The following ADARB2 variants were observed in gnomAD, a reference collection of about 807,000 sequenced individuals.
ADARB2 encodes the protein adenosine deaminase RNA specific B2 (inactive).
ADARB2 carries 25 observed loss-of-function variants against 62.2 expected under a neutral mutation model. The ratio of observed to expected loss-of-function variants is 0.40; its 90% confidence interval spans 0.29 to 0.56. ADARB2 has a LOEUF of 0.56. Among genes scored for constraint, ADARB2 ranks in the 20% least tolerant of loss-of-function variants. The pLI is 0.43. For synonymous variants in ADARB2, 572 were observed against 500.8 expected (o/e 1.14, Z -1.90); for missense variants, 1,071 against 1,077.4 (o/e 0.99, Z 0.08).
chr10:1,256,380 G>A (rs563237969), intron 4 of ADARB2, among the ~76,000 whole-genome samples: 2 of 152,314 alleles, frequency 1.3e-5, no homozygotes, highest in African/African-American at 4.8e-5. Flanking sequence ...CTGCAGCAGC[G>A]GGTGGGATGA....
intron 3 of ADARB2, among the ~76,000 whole-genome samples, chr10:1,274,797 G>A (rs1285087718): frequency 6.6e-6 from 1 of 152,214 alleles, no homozygotes; most frequent in African/African-American, 2.4e-5. Flanking sequence ...TGGCAGAGAC[G>A]GGACGTACCC....
intron 1 of ADARB2, among the ~76,000 whole-genome samples, chr10:1,694,833 T>G: frequency 6.6e-6 from 1 of 150,622 alleles, no homozygotes; most frequent in Non-Finnish European, 1.5e-5. Flanking sequence ...TGTCTGGGAG[T>G]GGGGTCTTCA....
In ADARB2 at chr10:1,233,794, A is replaced by G. The variant is rs1321865315; in HGVS notation, c.1413T>C (p.Gly471=). The G allele has an allele frequency of 1.9e-6, 3 of 1,613,810 alleles. No individual in the cohort carries two copies. Among genetic ancestry groups the G allele is most frequent in the Admixed American group, 1.7e-5 (1 of 59,964 alleles). The change falls in exon 6 of 10, where the codon GGT becomes GGC. Residue 471 remains glycine (G), a synonymous_variant. Transcript: ENST00000381312. Reference sequence around the variant, plus strand: ...GGATGTTCTCTCGCAGCCGGTAGCCACCTTCTTTTAACCGCACGAATATCG... The same window carrying G: ...GGATGTTCTCTCGCAGCCGGTAGCCGCCTTCTTTTAACCGCACGAATATCG... ...ERSIFVRLKE[G]GYRLRENILF...
chr10:1,245,204 G>A (rs181485541), intron 4 of ADARB2, among the ~76,000 whole-genome samples: 47 of 152,252 alleles, frequency 3.1e-4, no homozygotes, highest in African/African-American at 1.0e-3. Flanking sequence ...AGCAAGGACC[G>A]AATCCACAGG....
intron 6 of ADARB2, among the ~76,000 whole-genome samples, chr10:1,218,919 G>A (rs550673522): frequency 5.9e-5 from 9 of 151,824 alleles, no homozygotes; most frequent in Admixed American, 1.3e-4. Context: ...GCGTGGTGGC[G>A]GGCGCCTGTA....
At chr10:1,710,306 C>T (rs1411293171) in intron 1 of ADARB2, among the ~76,000 whole-genome samples, 2 of 152,234 alleles carry the variant, frequency 1.3e-5, no homozygotes, top group Non-Finnish European at 2.9e-5. Flanking sequence ...GAACTGTCCT[C>T]AGGGCCCTGC....
chr10:1,663,552 A>G (rs949799390), intron 1 of ADARB2, among the ~76,000 whole-genome samples: 1 of 152,054 alleles, frequency 6.6e-6, no homozygotes, highest in Non-Finnish European at 1.5e-5. Context: ...ACCTTTGCAG[A>G]TGGGCTTCTT....
intron 6 of ADARB2, among the ~76,000 whole-genome samples, chr10:1,225,660 T>A (rs1830738291): frequency 6.6e-6 from 1 of 150,510 alleles, no homozygotes; most frequent in South Asian, 2.2e-4. Flanking sequence ...TTATTTCTCC[T>A]TCACTTATGA....
chr10:1,309,166 T>A (rs1316876487), intron 3 of ADARB2, among the ~76,000 whole-genome samples: 1 of 152,206 alleles, frequency 6.6e-6, no homozygotes, highest in Non-Finnish European at 1.5e-5. Flanking sequence ...TGAGGTTGCC[T>A]CTAGGGGGTT....
intron 4 of ADARB2, among the ~76,000 whole-genome samples, chr10:1,268,613 A>G (rs926216996): frequency 6.6e-6 from 1 of 152,264 alleles, no homozygotes; most frequent in Non-Finnish European, 1.5e-5. Context: ...TAACTGAACT[A>G]GAATTAAGAT....
At chr10:1,482,597 G>A (rs1442198251) in intron 1 of ADARB2, among the ~76,000 whole-genome samples, 1 of 152,214 alleles carries the variant, frequency 6.6e-6, no homozygotes, top group African/African-American at 2.4e-5. Flanking sequence ...GGATGGTGAG[G>A]TGTTGGCACA....
chr10:1,496,683 T>C (rs1413254104), intron 1 of ADARB2, among the ~76,000 whole-genome samples: 1 of 152,070 alleles, frequency 6.6e-6, no homozygotes, highest in Non-Finnish European at 1.5e-5. Context: ...ATCACCATCA[T>C]TATCAACTTA....
intron 1 of ADARB2, among the ~76,000 whole-genome samples, chr10:1,632,851 G>A (rs118067919): frequency 0.014 from 2,082 of 152,344 alleles, 20 homozygotes; most frequent in Non-Finnish European, 0.02. Context: ...GGCTGCCCAG[G>A]GGGCTGGTCA....
chr10:1,633,897 A>C (rs1268162177), intron 1 of ADARB2, among the ~76,000 whole-genome samples: 1 of 152,110 alleles, frequency 6.6e-6, no homozygotes, highest in Non-Finnish European at 1.5e-5. Flanking sequence ...GTCCTGTGCC[A>C]GCACCATGTG....
chr10:1,656,878 A>G (rs759202792), intron 1 of ADARB2, among the ~76,000 whole-genome samples: 13 of 152,144 alleles, frequency 8.5e-5, no homozygotes, highest in Non-Finnish European at 1.6e-4. Context: ...TTTCCATGCC[A>G]TGAAGTAGAG....
At position 1,567,837 on chromosome 10, in the gene ADARB2, T is replaced by C. The variant is rs116128678; in HGVS notation, c.100+169214A>G. ...GAATGGGAAACTGAGGAATGGATGG[T>C]TATGTGCCTCACTCGAGGCCAAGGT... is the stretch of plus-strand genomic sequence containing the variant. On this transcript the variant is annotated intron_variant, in intron 1 of 9. Coordinates refer to ENST00000381312, the MANE Select transcript of ADARB2 (RefSeq NM_018702.4). 9.6e-3 allele frequency among the ~76,000 whole-genome samples: 1,469 copies of C among 152,322 alleles called. 26 individuals are homozygous for C. Among genetic ancestry groups the C allele is most frequent in the African/African-American group, 0.034 (1,407 of 41,564 alleles).
intron 1 of ADARB2, among the ~76,000 whole-genome samples, chr10:1,619,004 G>C (rs1285494109): frequency 6.6e-6 from 1 of 152,198 alleles, no homozygotes; most frequent in Admixed American, 6.5e-5. Context: ...GCAATTAATG[G>C]ATCACCTGGC....
intron 1 of ADARB2, among the ~76,000 whole-genome samples, chr10:1,599,442 A>G (rs1398661402): frequency 1.3e-5 from 2 of 152,254 alleles, no homozygotes; most frequent in African/African-American, 2.4e-5. Flanking sequence ...TGCCACTGTC[A>G]TCACTATCAT....
intron 6 of ADARB2, among the ~76,000 whole-genome samples, chr10:1,229,738 TTGTA>T (rs372163313): frequency 0.084 from 2,146 of 25,622 alleles, 52 homozygotes; most frequent in African/African-American, 0.28. Flanking sequence ...TTGTGCTTGT[TTGTA>T]TGTGCACGTG....
Sources: allele counts gnomAD v4.1 joint callset (sites outside exome capture counted in the v4.1 genomes callset), GRCh38; gene constraint gnomAD v4.1.1; transcripts MANE v1.5; gene names NCBI Gene and HGNC (gene_info 2026-07-23, HGNC 2026-07-21).